Variants in YME1L1 observed in about 807,000 individuals in gnomAD.
YME1L1 encodes ATP-dependent zinc metalloprotease YME1L1.
YME1L1 carries 39 observed loss-of-function variants against 90.4 expected under a neutral mutation model. The ratio of observed to expected loss-of-function variants is 0.43; its 90% CI spans 0.33 to 0.56. The LOEUF (loss-of-function observed/expected upper bound fraction) is 0.56. Ranked by LOEUF, YME1L1 falls within the 20% of genes least tolerant of loss-of-function variation. The pLI is 0.03. For synonymous variants in YME1L1, 284 were observed against 287.3 expected, an observed-to-expected ratio of 0.99 and a Z score of 0.12; for missense variants, 617 against 868.4, an observed-to-expected ratio of 0.71 and a Z score of 3.64.
chr10:27,142,403 A>G lies in YME1L1; in HGVS notation c.414T>C (p.Asp138=), dbSNP rs1212153134. The part of the protein sequence containing the change: ...HSRALQSICS[D]LQYWPVFIQS... ...GCTTCATACCTGGCCAGTACTGAAGATCTGAACAAATGCTTTGAAGAGCTC... is the reference window on the plus strand; with the variant it reads ...GCTTCATACCTGGCCAGTACTGAAGGTCTGAACAAATGCTTTGAAGAGCTC... Residue 138 remains aspartate (D), a synonymous_variant, in exon 4 of 19, where the codon GAT becomes GAC. Coordinates refer to ENST00000376016, the MANE Select transcript of YME1L1 (RefSeq NM_014263.4). 6.6e-7 allele frequency: 1 copy of G among 1,508,590 alleles called. No individual in the cohort carries two copies. The highest frequency in any genetic ancestry group is 1.4e-5 in the African/African-American group (1 of 70,356). The allele number at this position is 1,508,590 out of a possible 1,614,324, so 93.5% of individuals were successfully genotyped here.
chr10:27,148,816 G>A (rs2057174387), intron 2 of YME1L1, 90 bp downstream of exon 2: 2 of 1,535,710 alleles, frequency 1.3e-6, no homozygotes, highest in Admixed American at 2.0e-5. Flanking sequence ...TTTGACTACG[G>A]GGGAGGGACA....
At chr10:27,151,849 C>A (rs1323973199) in intron 1 of YME1L1, among the ~76,000 whole-genome samples, 1 of 149,642 alleles carries the variant, frequency 6.7e-6, no homozygotes, top group Non-Finnish European at 1.5e-5. Flanking sequence ...CCACTGCACT[C>A]CAGCCTGGGC....
chr10:27,142,150 C>T (rs12572344), intron 4 of YME1L1, among the ~76,000 whole-genome samples: 36,899 of 151,794 alleles, frequency 0.24, 5,066 homozygotes, highest in East Asian at 0.56. Context: ...TTGAAACAAG[C>T]GTAGATAAGT....
At chr10:27,142,049 CTCTT>C (rs1294633936) in intron 4 of YME1L1, among the ~76,000 whole-genome samples, 2 of 131,892 alleles carry the variant, frequency 1.5e-5, no homozygotes, top group African/African-American at 7.4e-5. Context: ...TCTGTTGTTG[CTCTT>C]TTTTTCTCAT....
chr10:27,142,311 T>A (rs953929297), intron 4 of YME1L1, 76 bp downstream of exon 4: 2 of 832,298 alleles, frequency 2.4e-6, no homozygotes, highest in Admixed American at 3.1e-5. Context: ...TTAGAATTAA[T>A]ACCATTAAGA....
intron 3 of YME1L1, among the ~76,000 whole-genome samples, chr10:27,143,165 T>C (rs1174200533): frequency 5.5e-5 from 7 of 128,240 alleles, no homozygotes. Context: ...AGGTTGGGAG[T>C]TTGAGAGCAG....
chr10:27,121,999 G>A (rs775175542), intron 11 of YME1L1, among the ~76,000 whole-genome samples: 2 of 152,202 alleles, frequency 1.3e-5, no homozygotes, highest in Non-Finnish European at 2.9e-5. Context: ...GCCTCCCAAA[G>A]TGCTAGGATT....
At chr10:27,153,189 T>C (rs1189885591) in intron 1 of YME1L1, 1 of 470,864 alleles carries the variant, frequency 2.1e-6, no homozygotes, top group South Asian at 1.5e-5. Context: ...TTACTTCATA[T>C]CAATATTAAG....
chr10:27,122,829 A>C lies in YME1L1; in HGVS notation c.1235+12T>G. 1 of 1,612,476 alleles carries C rather than the reference A, an allele frequency of 6.2e-7. No individual in the cohort carries two copies. The highest frequency in any genetic ancestry group is 8.5e-7 in the Non-Finnish European group (1 of 1,179,492). On this transcript the variant is annotated intron_variant, in intron 11 of 18. Transcript: ENST00000376016. ...CATCACCATATTCTAAGAAAAAAGAAGACTCAATTACCCATCCATTTCAGC... is the reference window on the plus strand; with the variant it reads ...CATCACCATATTCTAAGAAAAAAGACGACTCAATTACCCATCCATTTCAGC...
chr10:27,135,036 A>G (rs2057013874), intron 5 of YME1L1, 55 bp from the exon 6 acceptor site: 1 of 1,516,784 alleles, frequency 6.6e-7, no homozygotes, highest in Non-Finnish European at 8.9e-7. Context: ...ATACTTCCCA[A>G]CAATATTGTG....
intron 17 of YME1L1, among the ~76,000 whole-genome samples, chr10:27,114,868 AAC>A (rs997144170): frequency 6.6e-6 from 1 of 152,108 alleles, no homozygotes. Flanking sequence ...TTCTTCTAAA[AAC>A]ACAAAAAATA....
At chr10:27,137,969 C>T (rs2057047012) in intron 4 of YME1L1, among the ~76,000 whole-genome samples, 3 of 151,982 alleles carry the variant, frequency 2.0e-5, no homozygotes, top group Admixed American at 2.0e-4. Context: ...CATTGCCAAA[C>T]TAAGATTTTA....
At chr10:27,115,323 CTTTTT>C (rs71386913) in intron 17 of YME1L1, among the ~76,000 whole-genome samples, 2,511 of 142,414 alleles carry the variant, frequency 0.018, 141 homozygotes, top group East Asian at 0.16. Flanking sequence ...CATTTAAAAT[CTTTTT>C]TTTTTTTTTT....
chr10:27,145,301 CAA>C, intron 3 of YME1L1, 125 bp downstream of exon 3: 1 of 510,046 alleles, frequency 2.0e-6, no homozygotes, highest in Non-Finnish European at 2.8e-6. Flanking sequence ...AAAAAAAAAA[CAA>C]AAAAAAAACA....
At chr10:27,143,701 A>AT (rs1268843389) in intron 3 of YME1L1, among the ~76,000 whole-genome samples, 1 of 149,670 alleles carries the variant, frequency 6.7e-6, no homozygotes, top group Non-Finnish European at 1.5e-5. Flanking sequence ...CGTCTCTTTA[A>AT]AAAAAAAAAA....
chr10:27,144,957 C>A (rs184647410), intron 3 of YME1L1, among the ~76,000 whole-genome samples: 1 of 152,016 alleles, frequency 6.6e-6, no homozygotes, highest in African/African-American at 2.4e-5. Context: ...CTGGCTAACA[C>A]GGTGAAACCC....
intron 18 of YME1L1, among the ~76,000 whole-genome samples, chr10:27,113,219 CAAAAAAAAAAAAAAAAAAAAAA>C (rs869122796): frequency 2.1e-4 from 9 of 43,104 alleles, no homozygotes; most frequent in Admixed American, 4.6e-4. Flanking sequence ...GATGCTGTCT[CAAAAAAAAAAAAAAAAAAAAAA>C]AAAAAAAAAA....
chr10:27,116,235 G>A lies in YME1L1; in HGVS notation c.1830C>T (p.Thr610=), dbSNP rs369306212. ...AAAGCTAACCTGTTGTAATATGGTC[G>A]GTTCCAAATATAAGCTCCTCTGCCA... ...GRVAEELIFG[T]DHITTGASSD... is the part of the protein sequence containing the mutation. The change falls in exon 16 of 19, where the codon ACC becomes ACT. Residue 610 remains threonine, a synonymous_variant. Coordinates refer to ENST00000376016, the MANE Select transcript of YME1L1 (RefSeq NM_014263.4). The A allele has an allele frequency of 1.2e-5, 20 of 1,613,946 alleles. No homozygotes were observed. The highest frequency in any genetic ancestry group is 4.0e-5 in the African/African-American group (3 of 74,882).
rs184997769 is a variant in YME1L1 at position 27,110,795 on chromosome 10, T to C, written c.*1182A>G. On this transcript the variant is annotated 3_prime_UTR_variant, in exon 19 of 19. Transcript: ENST00000376016. ...TACTGCTTCTCTGAAGTACATTTCA[T>C]TAGGGAGAGTGACAGTAATGCTAAA... 1 of 152,300 alleles carries C rather than the reference T, an allele frequency of 6.6e-6. No individual in the cohort carries two copies. The highest frequency in any genetic ancestry group is 6.5e-5 in the Admixed American group (1 of 15,300). 9.4% of individuals were successfully genotyped at this position (152,300 alleles called of 1,614,324 possible).
Sources: gnomAD v4.1 joint callset for allele counts (sites outside exome capture counted in the v4.1 genomes callset) on GRCh38, gnomAD v4.1.1 for gene constraint, MANE v1.5 for transcripts, NCBI Gene and HGNC (gene_info 2026-07-23, HGNC 2026-07-21) for gene names.